Variants in PTPRM observed in about 807,000 individuals in gnomAD.
The protein encoded by PTPRM is receptor-type tyrosine-protein phosphatase mu.
Under a neutral mutation model 186.7 loss-of-function variants are expected in PTPRM, and 47 were observed. That is an observed-to-expected ratio of 0.25 (90% CI 0.20 to 0.32). The LOEUF (loss-of-function observed/expected upper bound fraction) is 0.32, where lower values mean the gene tolerates loss of function less well. PTPRM is among the 10% of genes least tolerant of loss of function. PTPRM has a pLI of 1.00. For missense variants in PTPRM, 1,494 were observed against 1,865.0 expected (o/e 0.80, Z 3.66); for synonymous variants, 668 against 674.9 (o/e 0.99, Z 0.16).
At chr18:8,034,158 T>C (rs992700679) in intron 7 of PTPRM, among the ~76,000 whole-genome samples, 8 of 152,032 alleles carry the variant, frequency 5.3e-5, no homozygotes, top group Non-Finnish European at 1.2e-4. Context: ...TTTTTTTTTT[T>C]CCGAACTAGG....
At chr18:7,701,086 A>T (rs1166778681) in intron 1 of PTPRM, among the ~76,000 whole-genome samples, 1 of 151,714 alleles carries the variant, frequency 6.6e-6, no homozygotes, top group African/African-American at 2.4e-5. Context: ...CGGGCGGATC[A>T]TGAGGTCAAG....
chr18:8,075,248 A>G (rs1485990443), intron 8 of PTPRM, among the ~76,000 whole-genome samples: 1 of 126,324 alleles, frequency 7.9e-6, no homozygotes, highest in Non-Finnish European at 1.7e-5. Flanking sequence ...GTTCGATTCC[A>G]TATCTATATC....
intron 4 of PTPRM, among the ~76,000 whole-genome samples, chr18:7,908,730 C>T (rs536556498): frequency 3.3e-5 from 5 of 152,296 alleles, no homozygotes; most frequent in African/African-American, 1.2e-4. Context: ...CCTGTCCCCT[C>T]CCATTTCATG....
At chr18:7,825,762 CATGAA>C (rs1399838016) in intron 2 of PTPRM, among the ~76,000 whole-genome samples, 14 of 152,136 alleles carry the variant, frequency 9.2e-5, no homozygotes, top group African/African-American at 3.4e-4. Flanking sequence ...TTTATTCATT[CATGAA>C]ATATATTTTC....
At chr18:8,372,110 G>A (rs1462263295) in intron 24 of PTPRM, among the ~76,000 whole-genome samples, 1 of 116,184 alleles carries the variant, frequency 8.6e-6, no homozygotes, top group African/African-American at 3.2e-5. Context: ...TGTCGCCCAG[G>A]CCGGACTGCG....
At chr18:8,076,707 T>G in intron 9 of PTPRM, 143 bp downstream of exon 9, 1 of 491,344 alleles carries the variant, frequency 2.0e-6, no homozygotes, top group Non-Finnish European at 3.6e-6. Context: ...GGTTGTTATA[T>G]AGAAGAAAAT....
chr18:7,567,335 GC>G lies in PTPRM; in HGVS notation c.-480del, dbSNP rs1314113413. ...ACCGCCAGTCAGTCGGGGAGCAAGAGCCCCGCGCGCAGCCGGCGCGGGCTCG... is the reference window on the plus strand; with the variant it reads ...ACCGCCAGTCAGTCGGGGAGCAAGAGCCCGCGCGCAGCCGGCGCGGGCTCG... On this transcript the variant is annotated 5_prime_UTR_variant, in exon 1 of 33. Coordinates refer to ENST00000580170, the MANE Select transcript of PTPRM (RefSeq NM_001105244.2). This position sits in a 1 kb window ranked among gnomAD's most constrained non-coding sequence, Gnocchi z 4.3. 1.3e-5 allele frequency: 2 copies of G among 148,430 alleles called. No individual in the cohort carries two copies. Among genetic ancestry groups the G allele is most frequent in the African/African-American group, 2.4e-5 (1 of 41,064 alleles). The allele number at this position is 148,430 out of a possible 1,614,324, so 9.2% of individuals were successfully genotyped here. A position where few individuals can be genotyped will look rare whatever the true frequency, so the allele number is the denominator to read the frequency against.
intron 3 of PTPRM, among the ~76,000 whole-genome samples, chr18:7,897,753 A>G (rs1414204924): frequency 6.6e-6 from 1 of 152,252 alleles, no homozygotes; most frequent in East Asian, 1.9e-4. Flanking sequence ...CGCTATATGC[A>G]TATCAACCCT....
At chr18:7,577,118 G>A (rs1211940452) in intron 1 of PTPRM, among the ~76,000 whole-genome samples, 1 of 151,976 alleles carries the variant, frequency 6.6e-6, no homozygotes, top group Non-Finnish European at 1.5e-5. Flanking sequence ...TTTGACTTAG[G>A]TATCTCCAAT....
intron 14 of PTPRM, among the ~76,000 whole-genome samples, chr18:8,195,964 A>G (rs190321358): frequency 6.6e-6 from 1 of 152,226 alleles, no homozygotes; most frequent in Non-Finnish European, 1.5e-5. Context: ...CTGACTCCTT[A>G]TCTAAACTTA....
chr18:8,353,566 A>G (rs2148339127), intron 23 of PTPRM, among the ~76,000 whole-genome samples: 3 of 152,190 alleles, frequency 2.0e-5, no homozygotes, highest in Admixed American at 2.0e-4. Flanking sequence ...GGAGAACTTG[A>G]GAATGAACCA....
At chr18:7,956,062 G>A (rs759939357) in intron 7 of PTPRM, among the ~76,000 whole-genome samples, 209 of 152,160 alleles carry the variant, frequency 1.4e-3, no homozygotes, top group Non-Finnish European at 7.5e-4. Flanking sequence ...CCTGAATGAA[G>A]CTCCCCAATT....
rs1206964121 is a variant in PTPRM at position 7,927,467 on chromosome 18, TG to T, written c.663+787del. 6.0e-3 allele frequency among the ~76,000 whole-genome samples: 737 copies of T among 121,934 alleles called. 5 individuals are homozygous for T. The highest frequency in any genetic ancestry group is 0.022 in the African/African-American group (699 of 31,234). The allele number at this position is 121,934 out of a possible 152,430, so 80.0% of individuals were successfully genotyped here. On this transcript the variant is annotated intron_variant, in intron 5 of 32. Coordinates refer to ENST00000580170, the MANE Select transcript of PTPRM (RefSeq NM_001105244.2). ...TGTCCTTATCTTTCCGTGTTTTGTGTGGGTGTGGGTTTTTTTTTTTAAAGTA... is the reference window on the plus strand; with the variant it reads ...TGTCCTTATCTTTCCGTGTTTTGTGTGGTGTGGGTTTTTTTTTTTAAAGTA...
chr18:7,598,440 G>A (rs907917600), intron 1 of PTPRM, among the ~76,000 whole-genome samples: 4 of 152,228 alleles, frequency 2.6e-5, no homozygotes, highest in East Asian at 3.8e-4. Context: ...TACTGAGCAC[G>A]TCTACGTGTG....
At chr18:7,648,853 A>T (rs988794308) in intron 1 of PTPRM, among the ~76,000 whole-genome samples, 4 of 152,240 alleles carry the variant, frequency 2.6e-5, no homozygotes, top group African/African-American at 9.6e-5. Context: ...GTTATCCAGA[A>T]GATCTGGCTG....
At chr18:8,085,913 C>T (rs2090407898) in intron 10 of PTPRM, 41 bp downstream of exon 10, 2 of 1,574,670 alleles carry the variant, frequency 1.3e-6, no homozygotes, top group Non-Finnish European at 8.7e-7. Context: ...TCAGAAGTAA[C>T]ATTTTTGTCC....
chr18:8,044,860 T>C (rs630924), intron 7 of PTPRM, among the ~76,000 whole-genome samples: 87,592 of 151,708 alleles, frequency 0.58, 25,802 homozygotes, highest in Non-Finnish European at 0.65. Context: ...AAATAATAAG[T>C]GTTGGCCAGG....
chr18:7,679,647 A>G (rs554249095), intron 1 of PTPRM, among the ~76,000 whole-genome samples: 1 of 152,300 alleles, frequency 6.6e-6, no homozygotes, highest in African/African-American at 2.4e-5. Flanking sequence ...CCTCGGCGAC[A>G]GAGTGAGACT....
At chr18:7,732,365 A>ATCAG in intron 1 of PTPRM, among the ~76,000 whole-genome samples, 1 of 152,190 alleles carries the variant, frequency 6.6e-6, no homozygotes, top group South Asian at 2.1e-4. Flanking sequence ...ATCAGAACTT[A>ATCAG]GTTATGAGAA....
Sources: allele counts gnomAD v4.1 joint callset (sites outside exome capture counted in the v4.1 genomes callset), GRCh38; gene constraint gnomAD v4.1.1; non-coding constraint Gnocchi (gnomAD v3.1); transcripts MANE v1.5; gene names NCBI Gene and HGNC (gene_info 2026-07-23, HGNC 2026-07-21).